Variants in SNW1 observed in about 807,000 individuals in gnomAD.
SNW1 encodes the protein SNW domain containing 1.
A neutral mutation model predicts 75.6 loss-of-function variants in SNW1; 9 were observed. That is an observed-to-expected ratio of 0.12 (90% CI 0.07 to 0.21). The LOEUF (loss-of-function observed/expected upper bound fraction) is 0.21. Among genes scored for constraint, SNW1 ranks in the 10% least tolerant of loss-of-function variants. The probability of loss-of-function intolerance (pLI) is 1.00; values close to 1 mark genes in which losing one functional copy is unlikely to be tolerated. For synonymous variants in SNW1, 200 were observed against 219.1 expected, an observed-to-expected ratio of 0.91 and a Z score of 0.77; for missense variants, 409 against 670.9, an observed-to-expected ratio of 0.61 and a Z score of 4.31.
At chr14:77,760,583 A>G (rs780630896) in intron 1 of SNW1, 25 of 690,868 alleles carry the variant, frequency 3.6e-5, no homozygotes, top group Middle Eastern at 2.3e-4. Context: ...GCAGTGGCGC[A>G]TATCAGCAGA....
chr14:77,759,181 C>T (rs958091583), intron 1 of SNW1, among the ~76,000 whole-genome samples: 4 of 152,188 alleles, frequency 2.6e-5, no homozygotes, highest in African/African-American at 7.2e-5. Context: ...ATTTAAAGAT[C>T]GCATTCTGCC....
chr14:77,726,179 T>C (rs1182822977), intron 10 of SNW1, among the ~76,000 whole-genome samples: 1 of 152,176 alleles, frequency 6.6e-6, no homozygotes. Flanking sequence ...AGAATGTCAT[T>C]GGTATTTTGA....
At position 77,723,163 on chromosome 14, in the gene SNW1, A is replaced by T; in HGVS notation, c.1130+18T>A. ...CGCCCGGCCACCATGATTGGTACACATCTTAAATAACACCTACCTCTTATC... is the reference window on the plus strand; with the variant it reads ...CGCCCGGCCACCATGATTGGTACACTTCTTAAATAACACCTACCTCTTATC... On this transcript the variant is annotated intron_variant, in intron 11 of 13. Coordinates refer to ENST00000261531, the MANE Select transcript of SNW1 (RefSeq NM_012245.3). 1 of 1,602,098 alleles carries T rather than the reference A, an allele frequency of 6.2e-7. No individual in the cohort carries two copies. The highest frequency in any genetic ancestry group is 1.1e-5 in the South Asian group (1 of 90,862).
intron 3 of SNW1, among the ~76,000 whole-genome samples, chr14:77,746,766 A>G (rs949452732): frequency 6.6e-6 from 1 of 152,232 alleles, no homozygotes; most frequent in African/African-American, 2.4e-5. Flanking sequence ...ATAAAAAGCA[A>G]GTCAAAGGAA....
chr14:77,736,270 G>A (rs895831751), intron 6 of SNW1, among the ~76,000 whole-genome samples: 3 of 152,118 alleles, frequency 2.0e-5, no homozygotes, highest in Non-Finnish European at 4.4e-5. Flanking sequence ...GCTTTAGGTC[G>A]GGTGCAGTGG....
intron 8 of SNW1, 61 bp from the exon 9 acceptor site, chr14:77,732,662 T>A: frequency 1.0e-6 from 1 of 956,630 alleles, no homozygotes; most frequent in Non-Finnish European, 1.7e-6. Context: ...CGTCTGAAGT[T>A]AAATTAATTT....
intron 3 of SNW1, among the ~76,000 whole-genome samples, chr14:77,747,390 G>C (rs1170430372): frequency 1.3e-5 from 2 of 152,038 alleles, no homozygotes; most frequent in Non-Finnish European, 2.9e-5. Flanking sequence ...CGTCTGGGAT[G>C]TGAGGAGCCC....
chr14:77,717,635 C>G lies in SNW1; in HGVS notation c.*453G>C. 7.6e-6 allele frequency: 11 copies of G among 1,445,216 alleles called. No individual in the cohort carries two copies. Among genetic ancestry groups the G allele is most frequent in the Non-Finnish European group, 1.1e-5 (11 of 1,037,042 alleles). 89.5% of individuals were successfully genotyped at this position (1,445,216 alleles called of 1,614,324 possible). ...TGTTTTTATTTGAAACAAATAGTTG[C>G]ACCAAGCAAGAGGTTACTTTGCCCA... On this transcript the variant is annotated 3_prime_UTR_variant, in exon 14 of 14. Coordinates refer to ENST00000261531, the MANE Select transcript of SNW1 (RefSeq NM_012245.3).
At chr14:77,748,626 G>A (rs2080783290) in intron 3 of SNW1, among the ~76,000 whole-genome samples, 1 of 151,100 alleles carries the variant, frequency 6.6e-6, no homozygotes, top group Admixed American at 6.6e-5. Context: ...TTGCTCTGTC[G>A]CCCAGGCTGG....
chr14:77,742,955 G>A (rs2080729709), intron 3 of SNW1, among the ~76,000 whole-genome samples: 1 of 151,996 alleles, frequency 6.6e-6, no homozygotes, highest in Non-Finnish European at 1.5e-5. Context: ...GCTGGGTGTG[G>A]TGGCTCATGC....
intron 1 of SNW1, among the ~76,000 whole-genome samples, chr14:77,758,653 T>A (rs1223798297): frequency 6.6e-6 from 1 of 152,250 alleles, no homozygotes; most frequent in African/African-American, 2.4e-5. Context: ...CCCATTAGAA[T>A]GTAAGCTAAT....
chr14:77,728,051 T>TAA (rs60328090), intron 10 of SNW1, among the ~76,000 whole-genome samples: 18,204 of 143,720 alleles, frequency 0.13, 1,445 homozygotes, highest in African/African-American at 0.22. Flanking sequence ...TGTTAATTGT[T>TAA]AAAAAAAAAA....
At chr14:77,760,112 C>T (rs1250363803) in intron 1 of SNW1, among the ~76,000 whole-genome samples, 1 of 152,088 alleles carries the variant, frequency 6.6e-6, no homozygotes, top group Non-Finnish European at 1.5e-5. Flanking sequence ...TGTCTGTATA[C>T]CTTGCACCCC....
At chr14:77,744,918 C>G (rs561495254) in intron 3 of SNW1, among the ~76,000 whole-genome samples, 2 of 152,246 alleles carry the variant, frequency 1.3e-5, no homozygotes, top group Admixed American at 1.3e-4. Flanking sequence ...TGTATAGGGG[C>G]CTAATTTTCC....
chr14:77,757,978 C>CTCTA (rs67382550), intron 1 of SNW1, among the ~76,000 whole-genome samples: 128,125 of 151,556 alleles, frequency 0.85, 54,290 homozygotes, highest in African/African-American at 0.89. Context: ...CACAATTTTT[C>CTCTA]TCTATTGCAA....
intron 3 of SNW1, among the ~76,000 whole-genome samples, chr14:77,747,310 C>T (rs1316128966): frequency 6.6e-6 from 1 of 152,142 alleles, no homozygotes; most frequent in Non-Finnish European, 1.5e-5. Flanking sequence ...CCCAAAGTGC[C>T]GAGACTGCAG....
chr14:77,747,787 G>A (rs1232795990), intron 3 of SNW1, among the ~76,000 whole-genome samples: 9 of 149,444 alleles, frequency 6.0e-5, no homozygotes, highest in African/African-American at 1.2e-4. Context: ...CGCCCTGTCC[G>A]GGAGGTGGGG....
chr14:77,747,591 C>T lies in SNW1; in HGVS notation c.330+3728G>A, dbSNP rs971176560. Among the ~76,000 whole-genome samples, 4 of 150,814 alleles carry T rather than the reference C, an allele frequency of 2.7e-5. No individual in the cohort carries two copies. In the East Asian group the frequency reaches 7.9e-4, roughly 30 times the overall value. On this transcript the variant is annotated intron_variant, in intron 3 of 13. Coordinates refer to ENST00000261531, the MANE Select transcript of SNW1 (RefSeq NM_012245.3). ...GGGACCCTGTCTGGGAGGTGAGGAG[C>T]GTCTCTGCCCGGCCACCCCGTCTGA... is the stretch of plus-strand genomic sequence containing the variant.
intron 10 of SNW1, among the ~76,000 whole-genome samples, chr14:77,730,621 T>A (rs1260603677): frequency 2.6e-5 from 4 of 152,164 alleles, no homozygotes; most frequent in Non-Finnish European, 5.9e-5. Flanking sequence ...ATAGAAAAAC[T>A]CTGGATTACT....
Sources: gnomAD v4.1 joint callset for allele counts (sites outside exome capture counted in the v4.1 genomes callset) on GRCh38, gnomAD v4.1.1 for gene constraint, MANE v1.5 for transcripts, NCBI Gene and HGNC (gene_info 2026-07-23, HGNC 2026-07-21) for gene names.